The following DIP2B variants were observed in gnomAD, a reference collection of about 807,000 sequenced individuals.
The protein encoded by DIP2B is disco-interacting protein 2 homolog B.
DIP2B carries 76 observed loss-of-function variants against 198.0 expected under a neutral mutation model. That is an observed-to-expected ratio of 0.38 (90% CI 0.32 to 0.46). The LOEUF (loss-of-function observed/expected upper bound fraction) is 0.46. DIP2B is among the 20% of genes least tolerant of loss of function. The pLI is 0.99. For missense variants in DIP2B, 1,559 were observed against 1,978.4 expected (o/e 0.79, Z 4.02); for synonymous variants, 701 against 739.1 (o/e 0.95, Z 0.84).
chr12:50,705,616 T>G (rs1045267233), intron 20 of DIP2B, among the ~76,000 whole-genome samples: 10 of 152,248 alleles, frequency 6.6e-5, no homozygotes, highest in African/African-American at 2.4e-4. Context: ...AGCTAAAAAT[T>G]ATCCTACTGT....
chr12:50,581,301 C>T (rs1248177080), intron 1 of DIP2B, among the ~76,000 whole-genome samples: 1 of 149,350 alleles, frequency 6.7e-6, no homozygotes, highest in Non-Finnish European at 1.5e-5. Flanking sequence ...AAAAAATAGG[C>T]AGGCTTTTAA....
At chr12:50,681,151 C>T (rs1415184459) in intron 9 of DIP2B, among the ~76,000 whole-genome samples, 1 of 152,136 alleles carries the variant, frequency 6.6e-6, no homozygotes, top group Non-Finnish European at 1.5e-5. Flanking sequence ...CAAACATGGG[C>T]TGGGTGCAGT....
intron 1 of DIP2B, among the ~76,000 whole-genome samples, chr12:50,595,462 C>G (rs1454730674): frequency 6.6e-6 from 1 of 152,122 alleles, no homozygotes; most frequent in African/African-American, 2.4e-5. Context: ...TGCACCACCA[C>G]ACCTGGGCTT....
intron 1 of DIP2B, among the ~76,000 whole-genome samples, chr12:50,593,461 C>T (rs1033404032): frequency 1.3e-4 from 20 of 151,222 alleles, no homozygotes; most frequent in African/African-American, 4.4e-4. Flanking sequence ...GCTGAGATCG[C>T]GCTGCTACAC....
chr12:50,543,415 A>G (rs563766886), intron 1 of DIP2B, among the ~76,000 whole-genome samples: 3 of 151,640 alleles, frequency 2.0e-5, no homozygotes, highest in Non-Finnish European at 4.4e-5. Flanking sequence ...TCAGCCTCTC[A>G]AGTAGCTGGG....
intron 9 of DIP2B, among the ~76,000 whole-genome samples, chr12:50,680,973 T>C (rs1206185629): frequency 2.6e-5 from 4 of 152,216 alleles, no homozygotes; most frequent in African/African-American, 9.7e-5. Context: ...TCGCATGTCC[T>C]TTCCTGTAGC....
At chr12:50,557,248 G>A (rs192835582) in intron 1 of DIP2B, among the ~76,000 whole-genome samples, 1 of 152,326 alleles carries the variant, frequency 6.6e-6, no homozygotes, top group East Asian at 1.9e-4. Flanking sequence ...ATGGGAGAGG[G>A]TGAGTGAAAG....
intron 18 of DIP2B, 79 bp downstream of exon 18, chr12:50,698,546 C>T: frequency 2.0e-6 from 3 of 1,513,668 alleles, no homozygotes; most frequent in Non-Finnish European, 2.7e-6. Flanking sequence ...AATACAGAAT[C>T]CCAAACGAGG....
At chr12:50,550,130 G>T (rs1387011753) in intron 1 of DIP2B, among the ~76,000 whole-genome samples, 1 of 152,116 alleles carries the variant, frequency 6.6e-6, no homozygotes, top group African/African-American at 2.4e-5. Flanking sequence ...AAAATGAAAC[G>T]CCTAGAAACT....
intron 22 of DIP2B, among the ~76,000 whole-genome samples, chr12:50,710,584 C>T (rs956228743): frequency 6.6e-6 from 1 of 152,106 alleles, no homozygotes; most frequent in Admixed American, 6.6e-5. Flanking sequence ...CCACCATGCC[C>T]AGCTAATTTT....
At chr12:50,592,908 A>G (rs1268800657) in intron 1 of DIP2B, among the ~76,000 whole-genome samples, 1 of 152,206 alleles carries the variant, frequency 6.6e-6, no homozygotes, top group Non-Finnish European at 1.5e-5. Context: ...TTTGAACTCC[A>G]AAGCAGTTGG....
At chr12:50,534,026 A>G (rs547371579) in intron 1 of DIP2B, among the ~76,000 whole-genome samples, 31 of 152,334 alleles carry the variant, frequency 2.0e-4, no homozygotes, top group African/African-American at 7.2e-4. Context: ...GAATTCATCA[A>G]TACTTAGAAT....
chr12:50,582,145 G>GTTTTTTTTTTTTTTTTTTTTTTTTTT (rs367699036), intron 1 of DIP2B, among the ~76,000 whole-genome samples: 1 of 77,550 alleles, frequency 1.3e-5, no homozygotes, highest in African/African-American at 6.2e-5. Flanking sequence ...CTTTTTTTCT[G>GTTTTTTTTTTTTTTTTTTTTTTTTTT]TTTTTTTTTT....
intron 1 of DIP2B, among the ~76,000 whole-genome samples, chr12:50,511,214 G>T (rs549090702): frequency 2.0e-5 from 3 of 151,532 alleles, no homozygotes; most frequent in Non-Finnish European, 4.4e-5. Context: ...AAAGTGCTGG[G>T]ATTACAGGTG....
chr12:50,561,802 T>G (rs1428093477), intron 1 of DIP2B, among the ~76,000 whole-genome samples: 2 of 152,158 alleles, frequency 1.3e-5, no homozygotes, highest in African/African-American at 4.8e-5. Context: ...GAGACTGGGT[T>G]TCACCCATGT....
chr12:50,662,094 C>T (rs1363701811), intron 4 of DIP2B, among the ~76,000 whole-genome samples: 1 of 152,216 alleles, frequency 6.6e-6, no homozygotes, highest in Non-Finnish European at 1.5e-5. Context: ...CCTCTGTCTG[C>T]AGCCTTGACG....
rs149178397 is a variant in DIP2B, at chr12:50,517,739, A to C, written c.100+12499A>C. On this transcript the variant is annotated intron_variant, in intron 1 of 37. Transcript: ENST00000301180. ...TCTCTAGCCATGCCAGATGACTTGC[A>C]CTTCCATGAATGCACTGTGCTTTTT... Among the ~76,000 whole-genome samples, 95 of 152,176 alleles carry C rather than the reference A, an allele frequency of 6.2e-4. 4 individuals carry two copies. In the East Asian group the frequency reaches 0.018, roughly 29 times the overall value.
intron 1 of DIP2B, among the ~76,000 whole-genome samples, chr12:50,558,583 A>G (rs76562384): frequency 0.017 from 2,615 of 152,306 alleles, 26 homozygotes; most frequent in Non-Finnish European, 0.025. Context: ...ATGAAAAACA[A>G]TTGAGGGAGC....
intron 1 of DIP2B, among the ~76,000 whole-genome samples, chr12:50,517,202 AG>A (rs1334952981): frequency 1.3e-5 from 2 of 151,800 alleles, no homozygotes; most frequent in Non-Finnish European, 2.9e-5. Context: ...TACAGGCGTG[AG>A]CCACCGCACC....
Sources: allele counts gnomAD v4.1 joint callset (sites outside exome capture counted in the v4.1 genomes callset), GRCh38; gene constraint gnomAD v4.1.1; transcripts MANE v1.5; gene names NCBI Gene and HGNC (gene_info 2026-07-23, HGNC 2026-07-21).